The following IRAG2 variants were observed in gnomAD, a reference collection of about 807,000 sequenced individuals.
IRAG2 encodes the protein inositol 1,4,5-triphosphate receptor associated 2.
In IRAG2, 45 loss-of-function variants were observed where a neutral mutation model predicts 69.9. The ratio of observed to expected loss-of-function variants is 0.64; its 90% CI spans 0.51 to 0.83. The LOEUF is 0.83. IRAG2 is among the 40% of genes least tolerant of loss of function. IRAG2 has a pLI of 0.00. For synonymous variants in IRAG2, 193 were observed against 202.4 expected, an observed-to-expected ratio of 0.95 and a Z score of 0.40; for missense variants, 520 against 587.0, an observed-to-expected ratio of 0.89 and a Z score of 1.18.
intron 6 of IRAG2, among the ~76,000 whole-genome samples, chr12:25,018,162 G>A (rs938900722): frequency 3.5e-5 from 5 of 140,898 alleles, no homozygotes; most frequent in African/African-American, 1.3e-4. Flanking sequence ...TTGTGCAGGA[G>A]TTTTTGAGTG....
At chr12:25,009,183 G>A (rs1458830404) in intron 2 of IRAG2, among the ~76,000 whole-genome samples, 1 of 152,148 alleles carries the variant, frequency 6.6e-6, no homozygotes, top group Non-Finnish European at 1.5e-5. Context: ...GCACACGCCT[G>A]TAATCCCAGC....
intron 10 of IRAG2, among the ~76,000 whole-genome samples, chr12:25,031,942 G>T (rs778301186): frequency 6.6e-6 from 1 of 152,154 alleles, no homozygotes; most frequent in East Asian, 1.9e-4. Flanking sequence ...GATTACAGTC[G>T]TGAGCCACCA....
intron 14 of IRAG2, among the ~76,000 whole-genome samples, chr12:25,094,420 TATTCC>T (rs1184734201): frequency 1.3e-5 from 2 of 152,198 alleles, no homozygotes; most frequent in Non-Finnish European, 2.9e-5. Flanking sequence ...CTTTTAATTC[TATTCC>T]ATTGGTCTAT....
At chr12:25,089,726 G>T in intron 12 of IRAG2, 37 bp from the exon 13 acceptor site, 2 of 1,612,000 alleles carry the variant, frequency 1.2e-6, no homozygotes, top group Non-Finnish European at 1.7e-6. Flanking sequence ...TTTTCTGTTG[G>T]ATTATGTTTA....
chr12:25,043,643 T>C (rs1243949816), intron 16 of IRAG2, among the ~76,000 whole-genome samples: 1 of 152,150 alleles, frequency 6.6e-6, no homozygotes, highest in Non-Finnish European at 1.5e-5. Flanking sequence ...ATGCTCTAGA[T>C]GCCTGGGGGC....
At chr12:25,040,533 A>G (rs1405023861) in intron 16 of IRAG2, among the ~76,000 whole-genome samples, 3 of 151,930 alleles carry the variant, frequency 2.0e-5, no homozygotes, top group African/African-American at 4.8e-5. Context: ...GAGAGAGAGA[A>G]AAGAAAAGAA....
In IRAG2 at chr12:25,103,782, T is replaced by C. The variant is rs971572683; in HGVS notation, c.934-55T>C. The C allele has an allele frequency of 3.2e-6, 4 of 1,254,056 alleles. No individual in the cohort carries two copies. In the African/African-American group the frequency reaches 5.9e-5, roughly 19 times the overall value. The allele number at this position is 1,254,056 out of a possible 1,614,324, so 77.7% of individuals were successfully genotyped here. ...TACAAGGATATTTATTGGTGTTGCA[T>C]ATAATGATAAATTATTGAGAGTTTT... On this transcript the variant is annotated intron_variant, in intron 17 of 21. Transcript: ENST00000556887.
intron 4 of IRAG2, among the ~76,000 whole-genome samples, chr12:25,065,982 T>C (rs905124719): frequency 1.3e-5 from 2 of 152,200 alleles, no homozygotes; most frequent in African/African-American, 4.8e-5. Flanking sequence ...AGTGAAACTT[T>C]ACAAAAACAG....
At chr12:25,065,647 A>C (rs542563477) in intron 4 of IRAG2, among the ~76,000 whole-genome samples, 1 of 152,324 alleles carries the variant, frequency 6.6e-6, no homozygotes, top group East Asian at 1.9e-4. Flanking sequence ...GCCATGGACA[A>C]TGTGTGAACA....
intron 1 of IRAG2, among the ~76,000 whole-genome samples, chr12:25,053,316 T>C (rs2139890395): frequency 6.6e-6 from 1 of 151,846 alleles, no homozygotes; most frequent in East Asian, 1.9e-4. Context: ...TATACTCTGA[T>C]TTTATTAGCT....
chr12:25,082,530 G>T (rs1947289665), intron 9 of IRAG2, among the ~76,000 whole-genome samples: 1 of 151,836 alleles, frequency 6.6e-6, no homozygotes, highest in African/African-American at 2.4e-5. Flanking sequence ...AGCCTGGGAG[G>T]CGGAGGTTGC....
upstream of IRAG2, among the ~76,000 whole-genome samples, chr12:25,047,290 C>T (rs553950328): frequency 3.7e-4 from 56 of 152,254 alleles, no homozygotes; most frequent in African/African-American, 1.3e-3. Flanking sequence ...ACACCAAAAG[C>T]ACAGGCAACA....
intron 15 of IRAG2, 116 bp downstream of exon 15, chr12:25,097,160 A>C (rs1948466769): frequency 3.0e-6 from 3 of 1,006,094 alleles, no homozygotes; most frequent in East Asian, 2.7e-5. Flanking sequence ...TTGTTGTATA[A>C]GACATATGCG....
chr12:25,108,072 C>T lies in IRAG2; in HGVS notation c.*12C>T. The T allele has an allele frequency of 6.2e-7, 1 of 1,608,910 alleles. No homozygotes were observed. Among genetic ancestry groups the T allele is most frequent in the Non-Finnish European group, 8.5e-7 (1 of 1,176,248 alleles). ...CACCACCAGTGTGACAGCAGGACAT[C>T]CTAATATATGGATCTTGATTTTTAA... On this transcript the variant is annotated 3_prime_UTR_variant, in exon 22 of 22. Transcript: ENST00000556887.
chr12:25,027,557 G>T (rs1944633479), intron 9 of IRAG2, among the ~76,000 whole-genome samples: 1 of 151,758 alleles, frequency 6.6e-6, no homozygotes, highest in South Asian at 2.1e-4. Context: ...ACCACACCCA[G>T]CTAATTTTTT....
chr12:25,101,884 C>T, intron 16 of IRAG2: 1 of 565,926 alleles, frequency 1.8e-6, no homozygotes, highest in South Asian at 1.5e-5. Flanking sequence ...TGTTCTAGAA[C>T]AGTAACCATA....
chr12:25,032,011 TAGTG>T (rs1414136834), intron 10 of IRAG2: 2 of 394,058 alleles, frequency 5.1e-6, no homozygotes, highest in African/African-American at 2.1e-5. Context: ...AGTTTTCAAA[TAGTG>T]AGACTGGTAG....
intron 2 of IRAG2, among the ~76,000 whole-genome samples, chr12:25,006,577 A>G (rs1346485704): frequency 6.6e-6 from 1 of 152,246 alleles, no homozygotes; most frequent in African/African-American, 2.4e-5. Context: ...TTGCTGCAAC[A>G]TGGATGCAGC....
At chr12:25,051,466 T>A (rs540212299), upstream of IRAG2, among the ~76,000 whole-genome samples, 1 of 152,364 alleles carries the variant, frequency 6.6e-6, no homozygotes, top group South Asian at 2.1e-4. Context: ...TTAAGGTCCA[T>A]ATTCAAGTCA....
Sources: allele counts gnomAD v4.1 joint callset (sites outside exome capture counted in the v4.1 genomes callset), GRCh38; gene constraint gnomAD v4.1.1; transcripts MANE v1.5; gene names NCBI Gene and HGNC (gene_info 2026-07-23, HGNC 2026-07-21).